Variants in SUFU observed in about 807,000 individuals in gnomAD.
SUFU encodes the protein SUFU negative regulator of hedgehog signaling, also known as suppressor of fused homolog.
A neutral mutation model predicts 58.9 loss-of-function variants in SUFU; 7 were observed. The observed-to-expected ratio is 0.12, with a 90% CI of 0.07 to 0.22. The LOEUF (loss-of-function observed/expected upper bound fraction) is 0.22, where lower values mean the gene tolerates loss of function less well. Among genes scored for constraint, SUFU ranks in the 10% least tolerant of loss-of-function variants. The pLI is 1.00. For missense variants in SUFU, 451 were observed against 641.3 expected (o/e 0.70, Z 3.20); for synonymous variants, 232 against 254.8 (o/e 0.91, Z 0.85).
intron 10 of SUFU, among the ~76,000 whole-genome samples, chr10:102,624,789 G>A (rs1488763023): frequency 5.9e-5 from 9 of 152,164 alleles, no homozygotes; most frequent in Admixed American, 4.6e-4. Context: ...GTGGCATTAC[G>A]TTTCCTTGAA....
intron 2 of SUFU, among the ~76,000 whole-genome samples, chr10:102,516,304 C>T (rs528716310): frequency 6.6e-6 from 1 of 151,686 alleles, no homozygotes; most frequent in Non-Finnish European, 1.5e-5. Flanking sequence ...AGACTCCTGA[C>T]CTCAAGTGAT....
intron 2 of SUFU, among the ~76,000 whole-genome samples, chr10:102,520,238 G>T (rs2062534784): frequency 7.8e-6 from 1 of 128,122 alleles, no homozygotes; most frequent in African/African-American, 2.9e-5. Context: ...TTTTTTTGAG[G>T]CAGAGTTTCA....
chr10:102,543,428 T>A (rs2062823953), intron 2 of SUFU, among the ~76,000 whole-genome samples: 1 of 152,238 alleles, frequency 6.6e-6, no homozygotes. Context: ...CATTTATTGA[T>A]ATAATTAATG....
At chr10:102,524,601 G>T (rs987187403) in intron 2 of SUFU, among the ~76,000 whole-genome samples, 1 of 151,960 alleles carries the variant, frequency 6.6e-6, no homozygotes, top group Non-Finnish European at 1.5e-5. Flanking sequence ...GATTACAGGC[G>T]TGAGCCACCG....
rs935661197 is a variant in SUFU, at chr10:102,632,282, G to A, written c.*2127G>A. 4.3e-6 allele frequency: 1 copy of A among 233,284 alleles called. No individual in the cohort carries two copies. Among genetic ancestry groups the A allele is most frequent in the East Asian group, 6.0e-5 (1 of 16,602 alleles). 14.5% of individuals were successfully genotyped at this position (233,284 alleles called of 1,614,324 possible). A position where few individuals can be genotyped will look rare whatever the true frequency, so the allele number is the denominator to read the frequency against. Reference sequence around the variant, plus strand: ...CTGAAGGTAGACACCAGCCAGCATGGTGGCCCTGTTCTGGGGGAGCAGGGT... The same window carrying A: ...CTGAAGGTAGACACCAGCCAGCATGATGGCCCTGTTCTGGGGGAGCAGGGT... On this transcript the variant is annotated 3_prime_UTR_variant, in exon 12 of 12. Coordinates refer to ENST00000369902, the MANE Select transcript of SUFU (RefSeq NM_016169.4).
In SUFU at chr10:102,550,035, C is replaced by A. The variant is rs749864416; in HGVS notation, c.383C>A (p.Thr128Asn). ...TTGACCTTTCGTCTGAAGAGAGAAA[C>A]TGGGGAGTCTGCCCCACCAACATGG... Reference protein sequence around the residue: ...FELTFRLKRETGESAPPTWPA... With the variant: ...FELTFRLKRENGESAPPTWPA... Residue 128 changes from threonine (T) to asparagine (N), a missense_variant, in exon 3 of 12, where the codon ACT becomes AAT. By Grantham distance (65) the Thr-to-Asn change is moderately conservative. Coordinates refer to ENST00000369902, the MANE Select transcript of SUFU (RefSeq NM_016169.4). 6.2e-7 allele frequency: 1 copy of A among 1,614,200 alleles called. No individual in the cohort carries two copies. The highest frequency in any genetic ancestry group is 1.7e-5 in the Admixed American group (1 of 60,024).
intron 2 of SUFU, among the ~76,000 whole-genome samples, chr10:102,541,006 A>C (rs914539748): frequency 6.6e-6 from 1 of 152,046 alleles, no homozygotes; most frequent in African/African-American, 2.4e-5. Flanking sequence ...TGGGTGACAG[A>C]GCAAGACTCC....
intron 3 of SUFU, among the ~76,000 whole-genome samples, chr10:102,566,941 TC>T (rs2063096913): frequency 1.8e-5 from 2 of 112,160 alleles, no homozygotes; most frequent in African/African-American, 6.1e-5. Context: ...CGACTCCATC[TC>T]AAAAAAAAAA....
intron 1 of SUFU, 23 bp from the exon 2 acceptor site, chr10:102,509,146 C>A (rs2062367021): frequency 5.6e-6 from 9 of 1,613,684 alleles, no homozygotes; most frequent in Non-Finnish European, 7.6e-6. Flanking sequence ...TACACTAACA[C>A]CCCTGTGTTT....
At chr10:102,583,491 G>A (rs371866945) in intron 3 of SUFU, among the ~76,000 whole-genome samples, 10 of 152,282 alleles carry the variant, frequency 6.6e-5, no homozygotes, top group African/African-American at 2.4e-4. Flanking sequence ...TTTCCCAGCT[G>A]CCTAAATTAA....
chr10:102,517,359 A>C (rs558502033), intron 2 of SUFU, among the ~76,000 whole-genome samples: 1 of 152,154 alleles, frequency 6.6e-6, no homozygotes, highest in Non-Finnish European at 1.5e-5. Flanking sequence ...AGTGACTACC[A>C]GGCCAGAGTG....
intron 7 of SUFU, among the ~76,000 whole-genome samples, chr10:102,599,090 G>C (rs1483195860): frequency 2.0e-5 from 3 of 152,166 alleles, no homozygotes; most frequent in Non-Finnish European, 4.4e-5. Context: ...TCAGTGGGCA[G>C]AATCCCCAGT....
chr10:102,593,882 G>T (rs1229146330), intron 5 of SUFU, 111 bp from the exon 6 acceptor site: 1 of 1,438,968 alleles, frequency 6.9e-7, no homozygotes, highest in Admixed American at 1.7e-5. Context: ...CCCTGACCAC[G>T]AACTATTCCC....
At chr10:102,519,106 C>T (rs1338200009) in intron 2 of SUFU, among the ~76,000 whole-genome samples, 2 of 145,126 alleles carry the variant, frequency 1.4e-5, no homozygotes, top group Admixed American at 1.4e-4. Context: ...CGCCACTGCA[C>T]TCCAGCCTGG....
intron 2 of SUFU, among the ~76,000 whole-genome samples, chr10:102,523,062 G>T (rs1228514338): frequency 6.6e-6 from 1 of 152,164 alleles, no homozygotes; most frequent in Non-Finnish European, 1.5e-5. Context: ...CCAGGCCTGA[G>T]TTTGAGGCTG....
chr10:102,556,454 G>T (rs1453063854), intron 3 of SUFU, among the ~76,000 whole-genome samples: 2 of 152,140 alleles, frequency 1.3e-5, no homozygotes, highest in Non-Finnish European at 2.9e-5. Context: ...CTAGTTATAA[G>T]AAAATGGGCC....
At chr10:102,603,412 C>T (rs1271164157) in intron 8 of SUFU, among the ~76,000 whole-genome samples, 1 of 152,142 alleles carries the variant, frequency 6.6e-6, no homozygotes, top group East Asian at 1.9e-4. Flanking sequence ...TGACTTACCA[C>T]CTGAGGCTGG....
chr10:102,598,137 G>T (rs2063482460), intron 7 of SUFU, among the ~76,000 whole-genome samples: 1 of 152,002 alleles, frequency 6.6e-6, no homozygotes, highest in Non-Finnish European at 1.5e-5. Context: ...TAAACTCCTA[G>T]TGCAAATATT....
chr10:102,518,081 A>C (rs1340599696), intron 2 of SUFU, among the ~76,000 whole-genome samples: 1 of 152,242 alleles, frequency 6.6e-6, no homozygotes, highest in Non-Finnish European at 1.5e-5. Flanking sequence ...TGTGATCTTC[A>C]GTGTTCCAAG....
Sources: allele counts gnomAD v4.1 joint callset (sites outside exome capture counted in the v4.1 genomes callset), GRCh38; gene constraint gnomAD v4.1.1; transcripts MANE v1.5; gene names NCBI Gene and HGNC (gene_info 2026-07-23, HGNC 2026-07-21).